FOXP1: variants seen among roughly 807,000 people sequenced by gnomAD.
FOXP1 encodes forkhead box protein P1.
FOXP1 carries 15 observed loss-of-function variants against 98.2 expected under a neutral mutation model. The observed-to-expected ratio is 0.15, with a 90% CI of 0.10 to 0.24. The LOEUF is 0.24. FOXP1 is among the 10% of genes least tolerant of loss of function. The probability of loss-of-function intolerance (pLI) is 1.00; values close to 1 mark genes in which losing one functional copy is unlikely to be tolerated. For synonymous variants in FOXP1, 371 were observed against 314.5 expected (o/e 1.18, Z -1.90); for missense variants, 633 against 848.5 (o/e 0.75, Z 3.15).
chr3:71,493,633 C>T (rs961967609), intron 2 of FOXP1, 78 bp from the exon 3 acceptor site: 2 of 152,180 alleles, frequency 1.3e-5, no homozygotes, highest in African/African-American at 4.8e-5. Flanking sequence ...TTGAAAACAG[C>T]AAGACATAGA....
intron 12 of FOXP1, among the ~76,000 whole-genome samples, chr3:71,006,968 A>C (rs2081108305): frequency 6.6e-6 from 1 of 152,058 alleles, no homozygotes; most frequent in Admixed American, 6.6e-5. Context: ...TCTTTGGCAA[A>C]CTTGTCTAAA....
intron 3 of FOXP1, among the ~76,000 whole-genome samples, chr3:71,476,497 G>C (rs1443825941): frequency 6.6e-6 from 1 of 152,030 alleles, no homozygotes; most frequent in Non-Finnish European, 1.5e-5. Flanking sequence ...TTTCATTGCA[G>C]AATGAGTCCT....
rs754225912 is a variant in FOXP1, at chr3:70,972,690, A to AAAAG, written c.1531-18_1531-15dup. 56 of 1,613,620 alleles carry AAAAG rather than the reference A, an allele frequency of 3.5e-5. No individual in the cohort carries two copies. In the Admixed American group the frequency reaches 7.2e-4, roughly 21 times the overall value. ...ACGCACTGCATTCTGCAGCAAGTAT[A>AAAAG]AAAGAGAGAACATTTACATTTTCTA... On this transcript the variant is annotated splice_polypyrimidine_tract_variant and intron_variant, in intron 17 of 20. Coordinates refer to ENST00000649528, the MANE Select transcript of FOXP1 (RefSeq NM_001349338.3).
At chr3:71,559,142 G>A (rs2046363082) in intron 2 of FOXP1, among the ~76,000 whole-genome samples, 1 of 152,188 alleles carries the variant, frequency 6.6e-6, no homozygotes, top group African/African-American at 2.4e-5. Context: ...ATGGCAGGCA[G>A]AAATTGCTGC....
intron 6 of FOXP1, among the ~76,000 whole-genome samples, chr3:71,167,065 A>G (rs1206242296): frequency 6.6e-6 from 1 of 152,062 alleles, no homozygotes; most frequent in African/African-American, 2.4e-5. Flanking sequence ...TCCGCACTTC[A>G]GGATACGAGA....
intron 3 of FOXP1, among the ~76,000 whole-genome samples, chr3:71,412,639 G>T (rs1469170215): frequency 6.6e-6 from 1 of 152,154 alleles, no homozygotes; most frequent in Admixed American, 6.5e-5. Context: ...TTGTCCTTGG[G>T]TAAGTAGAAA....
intron 3 of FOXP1, among the ~76,000 whole-genome samples, chr3:71,484,011 C>T (rs1054671409): frequency 6.6e-6 from 1 of 152,106 alleles, no homozygotes; most frequent in Admixed American, 6.6e-5. Context: ...TTTTGGTTCC[C>T]CTAATTTCTC....
At chr3:71,204,185 A>G (rs1366094785) in intron 5 of FOXP1, among the ~76,000 whole-genome samples, 2 of 152,198 alleles carry the variant, frequency 1.3e-5, no homozygotes, top group Non-Finnish European at 2.9e-5. Flanking sequence ...AAAACCTTCA[A>G]TAATCGTGTT....
At chr3:70,984,530 C>A (rs2039411754) in intron 14 of FOXP1, among the ~76,000 whole-genome samples, 1 of 152,174 alleles carries the variant, frequency 6.6e-6, no homozygotes, top group Admixed American at 6.5e-5. Flanking sequence ...ACTCTGAACA[C>A]CTCCATGGCA....
chr3:70,965,878 G>A lies in FOXP1; in HGVS notation c.1889+12C>T. 1 of 1,613,366 alleles carries A rather than the reference G, an allele frequency of 6.2e-7. No individual in the cohort carries two copies. Among genetic ancestry groups the A allele is most frequent in the Non-Finnish European group, 8.5e-7 (1 of 1,179,888 alleles). ...TCAGATAGCAAAGACCTGTTGGGTG[G>A]ACAATACTCACACGGCTTGCATAGG... is the stretch of plus-strand genomic sequence containing the variant. On this transcript the variant is annotated intron_variant, in intron 20 of 20. Coordinates refer to ENST00000649528, the MANE Select transcript of FOXP1 (RefSeq NM_001349338.3).
chr3:71,303,026 C>T (rs182292296), intron 4 of FOXP1, among the ~76,000 whole-genome samples: 7 of 152,218 alleles, frequency 4.6e-5, no homozygotes, highest in Admixed American at 1.3e-4. Context: ...ATATAATACA[C>T]GGTGTCCACT....
intron 4 of FOXP1, among the ~76,000 whole-genome samples, chr3:71,339,000 G>T (rs943204866): frequency 1.1e-4 from 17 of 152,144 alleles, no homozygotes; most frequent in African/African-American, 4.1e-4. Context: ...CACTAACAGG[G>T]TCTAATTTCT....
chr3:71,163,073 G>A (rs941847829), intron 6 of FOXP1, among the ~76,000 whole-genome samples: 2 of 152,154 alleles, frequency 1.3e-5, no homozygotes, highest in East Asian at 1.9e-4. Context: ...GAAAGAAAAC[G>A]GACTTTGAGT....
intron 3 of FOXP1, among the ~76,000 whole-genome samples, chr3:71,366,175 A>G (rs1012608325): frequency 2.6e-5 from 4 of 152,166 alleles, no homozygotes; most frequent in East Asian, 1.9e-4. Context: ...GCTCAGAGAC[A>G]TACATACAGA....
chr3:71,433,689 A>G (rs56151722), intron 3 of FOXP1, among the ~76,000 whole-genome samples: 85,228 of 152,084 alleles, frequency 0.56, 27,878 homozygotes, highest in Non-Finnish European at 0.75. Context: ...CCAGCTTGCA[A>G]TGTATTCTGG....
chr3:71,291,318 A>G (rs1405051321), intron 5 of FOXP1, among the ~76,000 whole-genome samples: 5 of 152,264 alleles, frequency 3.3e-5, no homozygotes, highest in Admixed American at 6.5e-5. Flanking sequence ...TAATGTATCC[A>G]AAACGATCAT....
At chr3:71,078,585 C>A (rs1476876132) in intron 7 of FOXP1, among the ~76,000 whole-genome samples, 1 of 152,070 alleles carries the variant, frequency 6.6e-6, no homozygotes, top group Non-Finnish European at 1.5e-5. Context: ...TTTTTCATTT[C>A]TCTTGCTAAA....
intron 6 of FOXP1, among the ~76,000 whole-genome samples, chr3:71,163,870 GT>G (rs34667641): frequency 0.38 from 57,283 of 151,806 alleles, 11,988 homozygotes; most frequent in East Asian, 0.67. Flanking sequence ...CTTTTAATCA[GT>G]TTTTTAAATT....
At chr3:71,311,375 C>G (rs1325196896) in intron 4 of FOXP1, among the ~76,000 whole-genome samples, 1 of 152,222 alleles carries the variant, frequency 6.6e-6, no homozygotes, top group African/African-American at 2.4e-5. Flanking sequence ...CAGGCATGAG[C>G]CAGTGTGCAG....
Sources: allele counts gnomAD v4.1 joint callset (sites outside exome capture counted in the v4.1 genomes callset), GRCh38; gene constraint gnomAD v4.1.1; transcripts MANE v1.5; gene names NCBI Gene and HGNC (gene_info 2026-07-23, HGNC 2026-07-21).